CRKL: variants seen among roughly 807,000 people sequenced by gnomAD.
The protein encoded by CRKL is crk-like protein.
Under a neutral mutation model 23.0 loss-of-function variants are expected in CRKL, and 3 were observed. The observed-to-expected ratio is 0.13, with a 90% CI of 0.06 to 0.34. The LOEUF (loss-of-function observed/expected upper bound fraction) is 0.34. Ranked by LOEUF, CRKL falls within the 10% of genes least tolerant of loss-of-function variation. CRKL has a pLI of 1.00. For missense variants in CRKL, 256 were observed against 394.5 expected (o/e 0.65, Z 2.97); for synonymous variants, 188 against 160.7 (o/e 1.17, Z -1.28).
chr22:20,948,704 T>C (rs1476336547), intron 2 of CRKL, among the ~76,000 whole-genome samples: 3 of 148,980 alleles, frequency 2.0e-5, no homozygotes, highest in African/African-American at 7.3e-5. Flanking sequence ...CTTGCTGCGT[T>C]GCGCCGGCTG....
Position 20,917,739 on chromosome 22 carries a change from C to T in CRKL, c.-196C>T. 1 of 611,352 alleles carries T rather than the reference C, an allele frequency of 1.6e-6. No individual in the cohort carries two copies. Among genetic ancestry groups the T allele is most frequent in the Non-Finnish European group, 2.8e-6 (1 of 356,186 alleles). 37.9% of individuals were successfully genotyped at this position (611,352 alleles called of 1,614,324 possible). On this transcript the variant is annotated 5_prime_UTR_variant, in exon 1 of 3. Coordinates refer to ENST00000354336, the MANE Select transcript of CRKL (RefSeq NM_005207.4). ...GGGCGGCTCTCTCCGTGTGGCGGCC[C>T]CGGAGCAGGCGGGCGGCGTCGGAGG...
intron 1 of CRKL, among the ~76,000 whole-genome samples, chr22:20,925,025 TA>T (rs1921145130): frequency 6.6e-6 from 1 of 151,756 alleles, no homozygotes; most frequent in Non-Finnish European, 1.5e-5. Flanking sequence ...CCGTCTCTAC[TA>T]AAAATACAAA....
intron 2 of CRKL, among the ~76,000 whole-genome samples, chr22:20,948,962 G>A (rs912265101): frequency 1.3e-5 from 2 of 152,138 alleles, no homozygotes; most frequent in East Asian, 3.8e-4. Flanking sequence ...ACTACCACCT[G>A]AAGGTCTTTT....
intron 1 of CRKL, among the ~76,000 whole-genome samples, chr22:20,926,820 G>A (rs965053057): frequency 1.3e-5 from 2 of 152,026 alleles, no homozygotes; most frequent in Admixed American, 6.6e-5. Flanking sequence ...GATAAAGAAT[G>A]GTGGTTACTG....
chr22:20,929,408 G>T (rs1229647891), intron 1 of CRKL, among the ~76,000 whole-genome samples: 1 of 151,648 alleles, frequency 6.6e-6, no homozygotes, highest in Non-Finnish European at 1.5e-5. Context: ...CTCTTGATCC[G>T]CCCGCCTTGG....
chr22:20,923,880 TAAAA>T (rs774192484), intron 1 of CRKL, among the ~76,000 whole-genome samples: 1 of 137,618 alleles, frequency 7.3e-6, no homozygotes, highest in African/African-American at 2.6e-5. Context: ...GCCTGGCTAC[TAAAA>T]AAAAAAAAAA....
At chr22:20,926,784 G>C (rs892019936) in intron 1 of CRKL, among the ~76,000 whole-genome samples, 2 of 151,980 alleles carry the variant, frequency 1.3e-5, no homozygotes, top group Non-Finnish European at 2.9e-5. Flanking sequence ...GAAGGGAGGG[G>C]ACCTGGGCAT....
At chr22:20,931,472 A>G (rs1921450401) in intron 1 of CRKL, among the ~76,000 whole-genome samples, 1 of 152,214 alleles carries the variant, frequency 6.6e-6, no homozygotes, top group Admixed American at 6.5e-5. Flanking sequence ...TCATGTCGGT[A>G]CATTGGATGC....
intron 1 of CRKL, among the ~76,000 whole-genome samples, chr22:20,924,191 AAATGAATGAATG>A (rs945691285): frequency 6.6e-6 from 1 of 152,122 alleles, no homozygotes; most frequent in African/African-American, 2.4e-5. Context: ...TTGTCTCAAA[AAATGAATGAATG>A]AATGAATGTA....
intron 2 of CRKL, among the ~76,000 whole-genome samples, chr22:20,943,489 C>T (rs1268747020): frequency 1.3e-5 from 2 of 152,198 alleles, no homozygotes; most frequent in Non-Finnish European, 2.9e-5. Context: ...ATCCACCTGC[C>T]TTGGCCTCCC....
chr22:20,918,453 A>G (rs1338328099), intron 1 of CRKL, among the ~76,000 whole-genome samples: 1 of 150,280 alleles, frequency 6.7e-6, no homozygotes, highest in African/African-American at 2.5e-5. Flanking sequence ...CCCTCTCACG[A>G]GGCTGTTTCT....
chr22:20,923,281 ATTT>A, intron 1 of CRKL, among the ~76,000 whole-genome samples: 1 of 145,944 alleles, frequency 6.9e-6, no homozygotes. Context: ...TAAAAAAAAA[ATTT>A]TTTTTTTTTT....
intron 1 of CRKL, among the ~76,000 whole-genome samples, chr22:20,920,434 G>A (rs1002274729): frequency 6.6e-5 from 10 of 151,934 alleles, no homozygotes; most frequent in Admixed American, 3.9e-4. Flanking sequence ...CCCGGGAGGC[G>A]GAGGTTGCAG....
intron 1 of CRKL, among the ~76,000 whole-genome samples, chr22:20,931,938 A>T (rs1183871874): frequency 1.3e-5 from 2 of 151,990 alleles, no homozygotes; most frequent in Admixed American, 1.3e-4. Flanking sequence ...CAGCCTCCTG[A>T]GTAAGTGGGA....
chr22:20,934,376 C>T (rs949163057), intron 2 of CRKL, 132 bp downstream of exon 2: 3 of 802,706 alleles, frequency 3.7e-6, no homozygotes, highest in African/African-American at 3.5e-5. Context: ...AAGATACGCA[C>T]TGTTAGCGTT....
At position 20,917,878 on chromosome 22, in the gene CRKL, C is replaced by A. The variant is rs2147891063; in HGVS notation, c.-57C>A. ...AAGCCGTCTGCCGGGCTAAGGCGTGCAGAGCAGGCGAGGACAGCCGCCGCC... is the reference window on the plus strand; with the variant it reads ...AAGCCGTCTGCCGGGCTAAGGCGTGAAGAGCAGGCGAGGACAGCCGCCGCC... On this transcript the variant is annotated 5_prime_UTR_variant, in exon 1 of 3. Coordinates refer to ENST00000354336, the MANE Select transcript of CRKL (RefSeq NM_005207.4). 1 of 1,542,494 alleles carries A rather than the reference C, an allele frequency of 6.5e-7. No homozygotes were observed. The highest frequency in any genetic ancestry group is 8.8e-7 in the Non-Finnish European group (1 of 1,137,210).
chr22:20,936,549 C>G (rs1488968993), intron 2 of CRKL, among the ~76,000 whole-genome samples: 2 of 152,008 alleles, frequency 1.3e-5, no homozygotes, highest in East Asian at 3.9e-4. Flanking sequence ...CGGGGTTTCT[C>G]CATGTTGGTG....
At position 20,931,047 on chromosome 22, in the gene CRKL, G is replaced by T. The variant is rs368859186; in HGVS notation, c.312-2732G>T. On this transcript the variant is annotated intron_variant, in intron 1 of 2. Transcript: ENST00000354336. The stretch of plus-strand genomic sequence containing the variant: ...TGGAGTCTAAGGTGGAACTGACTGT[G>T]CTCTTAATAGTGTCTGAAATTTATA... Among the ~76,000 whole-genome samples the T allele has an allele frequency of 3.9e-5, 6 of 152,192 alleles. No individual in the cohort carries two copies. In the South Asian group the frequency reaches 1.2e-3, roughly 32 times the overall value.
At chr22:20,922,791 G>C (rs1342966456) in intron 1 of CRKL, among the ~76,000 whole-genome samples, 1 of 152,092 alleles carries the variant, frequency 6.6e-6, no homozygotes, top group Non-Finnish European at 1.5e-5. Context: ...TCCTGCCTCA[G>C]CCTCCCTAGT....
Sources: allele counts gnomAD v4.1 joint callset (sites outside exome capture counted in the v4.1 genomes callset), GRCh38; gene constraint gnomAD v4.1.1; transcripts MANE v1.5; gene names NCBI Gene and HGNC (gene_info 2026-07-23, HGNC 2026-07-21).